GRIA1: variants seen among roughly 807,000 people sequenced by gnomAD.
GRIA1 encodes glutamate ionotropic receptor AMPA type subunit 1, also known as glutamate receptor 1.
GRIA1 carries 31 observed loss-of-function variants against 99.2 expected under a neutral mutation model. The observed-to-expected ratio is 0.31, with a 90% CI of 0.23 to 0.42. The LOEUF (loss-of-function observed/expected upper bound fraction) is 0.42, where lower values mean the gene tolerates loss of function less well. Ranked by LOEUF, GRIA1 falls within the 10% of genes least tolerant of loss-of-function variation. The pLI is 1.00. For missense variants in GRIA1, 782 were observed against 1,157.5 expected (o/e 0.68, Z 4.71); for synonymous variants, 438 against 432.4 (o/e 1.01, Z -0.16).
Position 153,493,916 on chromosome 5 carries a change from C to A in GRIA1, c.83-12C>A, listed in dbSNP as rs759607827. ...TAGCCCATATACCATGTTGCATTTTCTTTTCTCATAGGGGGATTATTTCCA... is the reference window on the plus strand; with the variant it reads ...TAGCCCATATACCATGTTGCATTTTATTTTCTCATAGGGGGATTATTTCCA... On this transcript the variant is annotated splice_polypyrimidine_tract_variant and intron_variant, in intron 1 of 15. Transcript: ENST00000285900. The A allele has an allele frequency of 6.2e-7, 1 of 1,613,802 alleles. No individual in the cohort carries two copies. The highest frequency in any genetic ancestry group is 8.5e-7 in the Non-Finnish European group (1 of 1,179,826).
chr5:153,522,683 C>T (rs1200704751), intron 2 of GRIA1, among the ~76,000 whole-genome samples: 1 of 152,202 alleles, frequency 6.6e-6, no homozygotes, highest in Non-Finnish European at 1.5e-5. Flanking sequence ...TAATAAGCCA[C>T]ACCCTGGCTC....
At position 153,811,319 on chromosome 5, in the gene GRIA1, CA is replaced by C. The variant is rs1766808930; in HGVS notation, c.*96del. On this transcript the variant is annotated 3_prime_UTR_variant, in exon 16 of 16. Coordinates refer to ENST00000285900, the MANE Select transcript of GRIA1 (RefSeq NM_000827.4). The stretch of plus-strand genomic sequence containing the variant: ...CCAAAAACAACAACAAAATGAAACG[CA>C]ACCACCACCAACCACTGCGACCACA... The C allele has an allele frequency of 1.3e-6, 1 of 752,066 alleles. No individual in the cohort carries two copies. The highest frequency in any genetic ancestry group is 2.3e-6 in the Non-Finnish European group (1 of 431,798). The allele number at this position is 752,066 out of a possible 1,614,324, so 46.6% of individuals were successfully genotyped here. A position where few individuals can be genotyped will look rare whatever the true frequency, so the allele number is the denominator to read the frequency against.
At chr5:153,628,608 G>A (rs1381723338) in intron 2 of GRIA1, among the ~76,000 whole-genome samples, 1 of 152,178 alleles carries the variant, frequency 6.6e-6, no homozygotes, top group African/African-American at 2.4e-5. Flanking sequence ...GCCACTGTTA[G>A]GCAATTTTAA....
chr5:153,628,222 T>C (rs1415689205), intron 2 of GRIA1, among the ~76,000 whole-genome samples: 1 of 152,050 alleles, frequency 6.6e-6, no homozygotes, highest in African/African-American at 2.4e-5. Flanking sequence ...CCTTGAAGGA[T>C]TGGAATGAGA....
At chr5:153,521,958 ATATT>A (rs1757186394) in intron 2 of GRIA1, among the ~76,000 whole-genome samples, 1 of 152,200 alleles carries the variant, frequency 6.6e-6, no homozygotes, top group Admixed American at 6.5e-5. Flanking sequence ...CAGAGTCAAT[ATATT>A]TATTTTTCTG....
intron 11 of GRIA1, among the ~76,000 whole-genome samples, chr5:153,741,972 G>A (rs562175609): frequency 3.3e-5 from 5 of 151,116 alleles, no homozygotes; most frequent in African/African-American, 1.2e-4. Flanking sequence ...AATATGCCTA[G>A]TGTGTTAAGC....
chr5:153,736,512 T>C (rs1398189601), intron 11 of GRIA1, among the ~76,000 whole-genome samples: 1 of 152,230 alleles, frequency 6.6e-6, no homozygotes, highest in Non-Finnish European at 1.5e-5. Flanking sequence ...TAGTGATTCA[T>C]AGTTCCTGTT....
chr5:153,519,964 T>A (rs143750838), intron 2 of GRIA1, among the ~76,000 whole-genome samples: 1 of 152,188 alleles, frequency 6.6e-6, no homozygotes, highest in Non-Finnish European at 1.5e-5. Context: ...GGATTGTTAA[T>A]CTGTTAATCT....
At chr5:153,584,822 C>A (rs1763331262) in intron 2 of GRIA1, among the ~76,000 whole-genome samples, 1 of 152,094 alleles carries the variant, frequency 6.6e-6, no homozygotes, top group South Asian at 2.1e-4. Context: ...GCTGTGGTAA[C>A]CTCTACCAGA....
intron 11 of GRIA1, among the ~76,000 whole-genome samples, chr5:153,756,356 G>A (rs1018076865): frequency 1.3e-5 from 2 of 152,194 alleles, no homozygotes; most frequent in Admixed American, 6.5e-5. Context: ...GAGCTCACCA[G>A]CATCTGTGCC....
intron 2 of GRIA1, among the ~76,000 whole-genome samples, chr5:153,506,584 A>G (rs2113280240): frequency 6.6e-6 from 1 of 152,300 alleles, no homozygotes; most frequent in Non-Finnish European, 1.5e-5. Context: ...AAGCTCCAGC[A>G]TCCCTAATCT....
chr5:153,812,663 T>A lies in GRIA1; in HGVS notation c.*1438T>A, dbSNP rs1470581188. 2.0e-5 allele frequency: 3 copies of A among 152,166 alleles called. No individual in the cohort carries two copies. The highest frequency in any genetic ancestry group is 2.9e-5 in the Non-Finnish European group (2 of 68,026). 9.4% of individuals were successfully genotyped at this position (152,166 alleles called of 1,614,324 possible). On this transcript the variant is annotated 3_prime_UTR_variant, in exon 16 of 16. Transcript: ENST00000285900. ...CGTTGTATTCCAATATACGTATGAT[T>A]GGGGCTACAAAGCTGAACTAAAGCA... is the stretch of plus-strand genomic sequence containing the variant.
rs1469741815 is a variant in GRIA1, at chr5:153,490,679, G to A, written c.-210G>A. On this transcript the variant is annotated 5_prime_UTR_variant, in exon 1 of 16. Transcript: ENST00000285900. ...TTCTTTTCCCGTGCTCAGTTAATCT[G>A]GCTGTCAGTTGGTGTTAACGCTGCA... 1.6e-6 allele frequency: 1 copy of A among 625,018 alleles called. No individual in the cohort carries two copies. Among genetic ancestry groups the A allele is most frequent in the Non-Finnish European group, 2.9e-6 (1 of 347,042 alleles). 38.7% of individuals were successfully genotyped at this position (625,018 alleles called of 1,614,324 possible).
chr5:153,529,362 A>G (rs528912266), intron 2 of GRIA1, among the ~76,000 whole-genome samples: 5 of 152,214 alleles, frequency 3.3e-5, no homozygotes, highest in Non-Finnish European at 7.3e-5. Context: ...TAAGGGACTC[A>G]GGTTCACATC....
intron 11 of GRIA1, among the ~76,000 whole-genome samples, chr5:153,749,038 G>A (rs1762338009): frequency 6.6e-6 from 1 of 152,070 alleles, no homozygotes; most frequent in African/African-American, 2.4e-5. Context: ...TTGAGCTTTG[G>A]GCACAGCAAT....
chr5:153,541,650 G>C (rs1759103859), intron 2 of GRIA1, among the ~76,000 whole-genome samples: 1 of 152,098 alleles, frequency 6.6e-6, no homozygotes, highest in Non-Finnish European at 1.5e-5. Flanking sequence ...ACCAAGAAAA[G>C]GCCGGACACT....
intron 13 of GRIA1, among the ~76,000 whole-genome samples, chr5:153,772,391 T>A (rs534111044): frequency 2.6e-5 from 4 of 152,140 alleles, no homozygotes; most frequent in African/African-American, 9.7e-5. Flanking sequence ...CATTGCACAG[T>A]CGATTAACCA....
chr5:153,696,040 C>T (rs955680908), intron 8 of GRIA1, among the ~76,000 whole-genome samples: 5 of 152,120 alleles, frequency 3.3e-5, no homozygotes, highest in Non-Finnish European at 7.4e-5. Context: ...AACAGCTAGA[C>T]CCAGTGTTCT....
intron 2 of GRIA1, among the ~76,000 whole-genome samples, chr5:153,536,855 A>G (rs1441309009): frequency 2.0e-5 from 3 of 152,170 alleles, no homozygotes; most frequent in Admixed American, 6.5e-5. Flanking sequence ...CAGTATTGCC[A>G]GTGCCTTCGT....
Sources: gnomAD v4.1 joint callset for allele counts (sites outside exome capture counted in the v4.1 genomes callset) on GRCh38, gnomAD v4.1.1 for gene constraint, MANE v1.5 for transcripts, NCBI Gene and HGNC (gene_info 2026-07-23, HGNC 2026-07-21) for gene names.